Variants in METAP1D observed in about 807,000 individuals in gnomAD.
The protein encoded by METAP1D is methionine aminopeptidase 1D, mitochondrial.
In METAP1D, 31 loss-of-function variants were observed where a neutral mutation model predicts 40.5. That is an observed-to-expected ratio of 0.77 (90% CI 0.58 to 1.03). The LOEUF is 1.03. Among genes scored for constraint, METAP1D ranks in the 50% least tolerant of loss-of-function variants. METAP1D has a pLI of 0.00. For missense variants in METAP1D, 411 were observed against 420.7 expected (o/e 0.98, Z 0.20); for synonymous variants, 151 against 146.4 (o/e 1.03, Z -0.22).
At chr2:172,057,207 G>T (rs115675460) in intron 1 of METAP1D, among the ~76,000 whole-genome samples, 2,791 of 152,298 alleles carry the variant, frequency 0.018, 57 homozygotes, top group Admixed American at 0.068. Flanking sequence ...CCTAATGACA[G>T]AGCTGGTAAG....
At chr2:172,045,815 GTGTGTATATATATATATA>G (rs1299786345) in intron 1 of METAP1D, among the ~76,000 whole-genome samples, 10 of 24,274 alleles carry the variant, frequency 4.1e-4, no homozygotes, top group South Asian at 1.8e-3. Context: ...GTGTGTGTGT[GTGTGTATATATATATATA>G]TATATATATA....
intron 1 of METAP1D, among the ~76,000 whole-genome samples, chr2:172,045,699 A>ATGTGTGTGTGTGTGTGTG (rs796722451): frequency 7.3e-5 from 6 of 82,240 alleles, no homozygotes; most frequent in Admixed American, 3.3e-4. Flanking sequence ...ATTCATATAT[A>ATGTGTGTGTGTGTGTGTG]TGTGTGTGTG....
At chr2:172,029,892 T>A (rs1169104068) in intron 1 of METAP1D, among the ~76,000 whole-genome samples, 1 of 151,654 alleles carries the variant, frequency 6.6e-6, no homozygotes, top group Non-Finnish European at 1.5e-5. Context: ...GTAGCTGGGA[T>A]TTACAGGCAT....
chr2:172,076,101 C>T (rs1398371731), intron 6 of METAP1D, among the ~76,000 whole-genome samples: 2 of 151,500 alleles, frequency 1.3e-5, no homozygotes, highest in Non-Finnish European at 1.5e-5. Context: ...CTCCTCTCAT[C>T]GGAAATTAAA....
intron 3 of METAP1D, among the ~76,000 whole-genome samples, chr2:172,065,006 G>A (rs902126209): frequency 1.3e-5 from 2 of 151,902 alleles, no homozygotes; most frequent in African/African-American, 2.4e-5. Flanking sequence ...CCTTTAGTAA[G>A]GAAAAAATAT....
At chr2:172,037,745 G>A (rs890383411) in intron 1 of METAP1D, among the ~76,000 whole-genome samples, 4 of 152,180 alleles carry the variant, frequency 2.6e-5, no homozygotes, top group African/African-American at 7.2e-5. Flanking sequence ...CTCCTACCCC[G>A]TTGGTGAGTT....
chr2:172,014,033 G>A (rs1688791830), intron 1 of METAP1D, among the ~76,000 whole-genome samples: 1 of 151,876 alleles, frequency 6.6e-6, no homozygotes, highest in Admixed American at 6.6e-5. Flanking sequence ...ATATTGGCCA[G>A]GCTGATCTCG....
At chr2:172,077,528 T>C (rs1005187243) in intron 6 of METAP1D, among the ~76,000 whole-genome samples, 53 of 152,348 alleles carry the variant, frequency 3.5e-4, no homozygotes, top group African/African-American at 1.3e-3. Context: ...GTGGCTTTGT[T>C]TGAATGCTGT....
intron 1 of METAP1D, among the ~76,000 whole-genome samples, chr2:172,025,223 G>A (rs1376827942): frequency 6.6e-6 from 1 of 152,182 alleles, no homozygotes; most frequent in Non-Finnish European, 1.5e-5. Flanking sequence ...AGCACCTAGT[G>A]TGATACTGAT....
chr2:172,049,542 A>G (rs1689842336), intron 1 of METAP1D, among the ~76,000 whole-genome samples: 1 of 152,098 alleles, frequency 6.6e-6, no homozygotes, highest in Admixed American at 6.6e-5. Context: ...TTTTGAATTA[A>G]TACCAAAAAC....
chr2:172,046,649 A>C (rs1165901555), intron 1 of METAP1D, among the ~76,000 whole-genome samples: 1 of 152,238 alleles, frequency 6.6e-6, no homozygotes, highest in Admixed American at 6.5e-5. Context: ...TGTTAATATT[A>C]CTTGACTATT....
chr2:172,002,248 A>T (rs1473798205), intron 1 of METAP1D, among the ~76,000 whole-genome samples: 1 of 152,002 alleles, frequency 6.6e-6, no homozygotes, highest in African/African-American at 2.4e-5. Context: ...AGGTGTATGT[A>T]TGTATATATA....
At chr2:172,022,221 C>T (rs1169543117) in intron 1 of METAP1D, among the ~76,000 whole-genome samples, 1 of 152,150 alleles carries the variant, frequency 6.6e-6, no homozygotes, top group Non-Finnish European at 1.5e-5. Flanking sequence ...GAATCTAAGA[C>T]GTTGAGTCGC....
rs369758657 is a variant in METAP1D at position 172,042,193 on chromosome 2, G to GTACACATA, written c.41-19300_41-19293dup. Reference sequence around the variant, plus strand: ...CATATACATATGTATGTGTACATGTGTACACATATACATATGTATGTGTAC... The same window carrying GTACACATA: ...CATATACATATGTATGTGTACATGTGTACACATATACACATATACATATGTATGTGTAC... On this transcript the variant is annotated intron_variant, in intron 1 of 9. Coordinates refer to ENST00000315796, the MANE Select transcript of METAP1D (RefSeq NM_199227.3). Among the ~76,000 whole-genome samples, 2 of 64,672 alleles carry GTACACATA rather than the reference G, an allele frequency of 3.1e-5. 1 individual carries two copies. The highest frequency in any genetic ancestry group is 8.3e-5 in the Non-Finnish European group (2 of 24,166). The allele number at this position is 64,672 out of a possible 152,430, so 42.4% of individuals were successfully genotyped here.
rs1161463791 is a variant in METAP1D, at chr2:172,042,641, ATGTG to A, written c.41-18853_41-18850del. ...TGTGTGTATGTGTACACATATACAT[ATGTG>A]TGTATGTGTATATGTGTACACATAT... is the stretch of plus-strand genomic sequence containing the variant. On this transcript the variant is annotated intron_variant, in intron 1 of 9. Coordinates refer to ENST00000315796, the MANE Select transcript of METAP1D (RefSeq NM_199227.3). Among the ~76,000 whole-genome samples the A allele has an allele frequency of 1.4e-4, 2 of 14,050 alleles. 1 individual carries two copies. Among genetic ancestry groups the A allele is most frequent in the African/African-American group, 4.8e-4 (2 of 4,162 alleles). The allele number at this position is 14,050 out of a possible 152,430, so 9.2% of individuals were successfully genotyped here.
intron 1 of METAP1D, among the ~76,000 whole-genome samples, chr2:172,015,373 C>T (rs1363289697): frequency 6.6e-6 from 1 of 152,126 alleles, no homozygotes; most frequent in Non-Finnish European, 1.5e-5. Flanking sequence ...GATTGCACCA[C>T]TGCACTCGAG....
intron 6 of METAP1D, among the ~76,000 whole-genome samples, chr2:172,076,625 A>G (rs571397304): frequency 2.6e-3 from 400 of 152,370 alleles, no homozygotes; most frequent in Non-Finnish European, 4.2e-3. Flanking sequence ...GGTTATAGTG[A>G]CATCCAGGTC....
chr2:172,002,635 C>G (rs529657707), intron 1 of METAP1D, among the ~76,000 whole-genome samples: 1 of 152,130 alleles, frequency 6.6e-6, no homozygotes, highest in African/African-American at 2.4e-5. Context: ...GGAGAAAGGG[C>G]CCCTTTTTGG....
At chr2:172,024,620 A>G (rs1319719195) in intron 1 of METAP1D, among the ~76,000 whole-genome samples, 1 of 152,090 alleles carries the variant, frequency 6.6e-6, no homozygotes, top group African/African-American at 2.4e-5. Context: ...CTAAGACCCT[A>G]TGGAATGAAA....
Sources: gnomAD v4.1 joint callset for allele counts (sites outside exome capture counted in the v4.1 genomes callset) on GRCh38, gnomAD v4.1.1 for gene constraint, MANE v1.5 for transcripts, NCBI Gene and HGNC (gene_info 2026-07-23, HGNC 2026-07-21) for gene names.